PDE4D: variants seen among roughly 807,000 people sequenced by gnomAD.
PDE4D encodes the protein 3',5'-cyclic-AMP phosphodiesterase 4D.
A neutral mutation model predicts 87.4 loss-of-function variants in PDE4D; 24 were observed. The observed-to-expected ratio is 0.27, with a 90% confidence interval of 0.20 to 0.39. PDE4D has a LOEUF of 0.39. PDE4D is among the 10% of genes least tolerant of loss of function. The pLI is 1.00. For synonymous variants in PDE4D, 384 were observed against 383.2 expected (o/e 1.00, Z -0.02); for missense variants, 714 against 1,041.0 (o/e 0.69, Z 4.32).
intron 1 of PDE4D, among the ~76,000 whole-genome samples, chr5:59,876,091 TATCCTGCAC>T (rs1243073995): frequency 1.3e-5 from 2 of 152,174 alleles, no homozygotes; most frequent in African/African-American, 4.8e-5. Flanking sequence ...CAAACCTGCA[TATCCTGCAC>T]ATGTACACTG....
At chr5:60,227,968 C>T (rs970333310) in intron 1 of PDE4D, among the ~76,000 whole-genome samples, 3 of 151,954 alleles carry the variant, frequency 2.0e-5, no homozygotes, top group Admixed American at 6.6e-5. Context: ...TTCATTTCCT[C>T]AAACACCCTT....
At chr5:59,857,900 AGAAGGAAGGGGG>A (rs1246491529) in intron 1 of PDE4D, among the ~76,000 whole-genome samples, 1 of 120,848 alleles carries the variant, frequency 8.3e-6, no homozygotes, top group Middle Eastern at 3.9e-3. Flanking sequence ...AAGGAAGGAA[AGAAGGAAGGGGG>A]GAGGGAAGGG....
chr5:59,711,962 G>A (rs1252272130), intron 1 of PDE4D, among the ~76,000 whole-genome samples: 1 of 152,006 alleles, frequency 6.6e-6, no homozygotes, highest in Non-Finnish European at 1.5e-5. Flanking sequence ...TCTCATATTT[G>A]ACTACAATTT....
chr5:59,101,444 C>A (rs1770721019), intron 5 of PDE4D, among the ~76,000 whole-genome samples: 1 of 152,046 alleles, frequency 6.6e-6, no homozygotes, highest in African/African-American at 2.4e-5. Context: ...AGATGACAGG[C>A]CTTATGTTTA....
intron 1 of PDE4D, among the ~76,000 whole-genome samples, chr5:59,718,757 A>C (rs775560535): frequency 6.3e-4 from 96 of 152,304 alleles, no homozygotes; most frequent in Non-Finnish European, 5.9e-4. Context: ...ACAATGAAAG[A>C]AACAAGTCAT....
chr5:60,284,322 A>G (rs1752214324), intron 1 of PDE4D, among the ~76,000 whole-genome samples: 1 of 152,142 alleles, frequency 6.6e-6, no homozygotes. Flanking sequence ...TAAGCCTACC[A>G]ATAATAGAGT....
intron 1 of PDE4D, among the ~76,000 whole-genome samples, chr5:59,846,621 A>T (rs1337990207): frequency 6.6e-6 from 1 of 152,056 alleles, no homozygotes; most frequent in African/African-American, 2.4e-5. Context: ...TCCTAAGACC[A>T]GAAGATATTT....
At chr5:60,021,260 C>T (rs549806541) in intron 2 of PDE4D, 1 of 152,116 alleles carries the variant, frequency 6.6e-6, no homozygotes, top group Non-Finnish European at 1.5e-5. Context: ...CTGCAAGTGG[C>T]ACCAAGTCAC....
intron 1 of PDE4D, among the ~76,000 whole-genome samples, chr5:59,704,098 C>T (rs1753018706): frequency 6.6e-6 from 1 of 152,082 alleles, no homozygotes; most frequent in African/African-American, 2.4e-5. Context: ...AGGGAGGTAA[C>T]CCTTACAATT....
At chr5:60,340,606 TTAAAA>T (rs1172255463) in intron 1 of PDE4D, among the ~76,000 whole-genome samples, 5 of 37,226 alleles carry the variant, frequency 1.3e-4, no homozygotes, top group African/African-American at 2.6e-4. Flanking sequence ...GTCACATCAT[TTAAAA>T]AAAAAAAAAA....
upstream of PDE4D, among the ~76,000 whole-genome samples, chr5:59,896,120 T>C (rs73761038): frequency 0.017 from 2,588 of 152,254 alleles, 68 homozygotes; most frequent in African/African-American, 0.059. Context: ...TTCCTACCCA[T>C]GTTACTTTAG....
At chr5:60,232,599 T>C (rs969457077) in intron 1 of PDE4D, among the ~76,000 whole-genome samples, 1 of 151,902 alleles carries the variant, frequency 6.6e-6, no homozygotes, top group Non-Finnish European at 1.5e-5. Flanking sequence ...AGGCTATAGA[T>C]GTTTCTCAAT....
intron 1 of PDE4D, among the ~76,000 whole-genome samples, chr5:59,318,414 T>C (rs1431124285): frequency 1.3e-5 from 2 of 152,172 alleles, no homozygotes; most frequent in Admixed American, 6.5e-5. Context: ...TAGTTTGCCA[T>C]GCAGTAATTA....
intron 1 of PDE4D, among the ~76,000 whole-genome samples, chr5:59,728,077 T>C (rs527757803): frequency 6.6e-6 from 1 of 152,230 alleles, no homozygotes; most frequent in South Asian, 2.1e-4. Context: ...CCCAGTTTTG[T>C]AGGTCTTATT....
At chr5:59,016,283 A>T (rs10471465) in intron 6 of PDE4D, among the ~76,000 whole-genome samples, 15,451 of 151,908 alleles carry the variant, frequency 0.1, 1,023 homozygotes, top group Non-Finnish European at 0.13. Flanking sequence ...TAATAAAAAA[A>T]TTAAAAAAGT....
intron 1 of PDE4D, among the ~76,000 whole-genome samples, chr5:59,558,049 T>C (rs1412944384): frequency 7.2e-5 from 11 of 152,174 alleles, no homozygotes; most frequent in African/African-American, 2.7e-4. Context: ...ACAATACTAC[T>C]AAAAAAGGAA....
chr5:58,992,870 G>A (rs1748230698), intron 7 of PDE4D, among the ~76,000 whole-genome samples: 1 of 152,112 alleles, frequency 6.6e-6, no homozygotes, highest in Non-Finnish European at 1.5e-5. Context: ...CTGTGGATGA[G>A]GTACAAGAGT....
chr5:59,501,619 C>A (rs1448794585), intron 1 of PDE4D, among the ~76,000 whole-genome samples: 2 of 152,092 alleles, frequency 1.3e-5, no homozygotes, highest in Non-Finnish European at 2.9e-5. Flanking sequence ...ACAGAAAAAA[C>A]CCAGCAGTTG....
rs533904703 is a variant in PDE4D at position 58,976,594 on chromosome 5, A to G, written c.1708-122T>C. On this transcript the variant is annotated intron_variant, in intron 12 of 14. Coordinates refer to ENST00000340635, the MANE Select transcript of PDE4D (RefSeq NM_001104631.2). The stretch of plus-strand genomic sequence containing the variant: ...ACTATGCCTTTTAATGACAGTGGAA[A>G]ATCCTTACTACTCCTTGGGGGCAGA... 103 of 767,168 alleles carry G rather than the reference A, an allele frequency of 1.3e-4. No individual in the cohort carries two copies. In the South Asian group the frequency reaches 2.0e-3, roughly 15 times the overall value. 47.5% of individuals were successfully genotyped at this position (767,168 alleles called of 1,614,324 possible).
Sources: gnomAD v4.1 joint callset for allele counts (sites outside exome capture counted in the v4.1 genomes callset) on GRCh38, gnomAD v4.1.1 for gene constraint, MANE v1.5 for transcripts, NCBI Gene and HGNC (gene_info 2026-07-23, HGNC 2026-07-21) for gene names.